The following NKAIN2 variants were observed in gnomAD, a reference collection of about 807,000 sequenced individuals.
NKAIN2 encodes sodium/potassium transporting ATPase interacting 2, also known as sodium/potassium-transporting ATPase subunit beta-1-interacting protein 2.
NKAIN2 carries 14 observed loss-of-function variants against 32.6 expected under a neutral mutation model. The ratio of observed to expected loss-of-function variants is 0.43; its 90% CI spans 0.28 to 0.67. NKAIN2 has a LOEUF of 0.67. Among genes scored for constraint, NKAIN2 ranks in the 30% least tolerant of loss-of-function variants. The pLI, the probability that NKAIN2 is intolerant of heterozygous loss-of-function variation, is 0.17. For missense variants in NKAIN2, 198 were observed against 258.3 expected, an observed-to-expected ratio of 0.77 and a Z score of 1.60; for synonymous variants, 80 against 87.2, an observed-to-expected ratio of 0.92 and a Z score of 0.46.
chr6:123,990,374 T>C (rs1779361645), intron 1 of NKAIN2, among the ~76,000 whole-genome samples: 1 of 152,226 alleles, frequency 6.6e-6, no homozygotes, highest in Admixed American at 6.5e-5. Context: ...ATTTTTAGTA[T>C]GCTACAACTT....
intron 3 of NKAIN2, among the ~76,000 whole-genome samples, chr6:124,548,133 CA>C (rs1360963781): frequency 7.9e-5 from 12 of 152,048 alleles, no homozygotes; most frequent in Non-Finnish European, 1.6e-4. Context: ...AATTCTTAAG[CA>C]AAACTCACCA....
At chr6:124,697,893 C>T (rs1232626521) in intron 4 of NKAIN2, among the ~76,000 whole-genome samples, 1 of 152,072 alleles carries the variant, frequency 6.6e-6, no homozygotes, top group South Asian at 2.1e-4. Flanking sequence ...ATCTTGGTGG[C>T]TGGTCTGTCT....
chr6:124,729,321 C>G (rs1368776195), intron 4 of NKAIN2, among the ~76,000 whole-genome samples: 1 of 150,192 alleles, frequency 6.7e-6, no homozygotes, highest in East Asian at 2.0e-4. Flanking sequence ...AAAATACTGG[C>G]AAACCGAATC....
At chr6:124,692,067 A>G (rs1774283246) in intron 4 of NKAIN2, among the ~76,000 whole-genome samples, 1 of 152,204 alleles carries the variant, frequency 6.6e-6, no homozygotes, top group Non-Finnish European at 1.5e-5. Flanking sequence ...TTCTATTAAA[A>G]GGGCCTAAAA....
At chr6:123,909,878 T>C (rs34873994) in intron 1 of NKAIN2, among the ~76,000 whole-genome samples, 47,665 of 151,768 alleles carry the variant, frequency 0.31, 8,161 homozygotes, top group East Asian at 0.5. Flanking sequence ...AATTAGCACG[T>C]AAGTGTGCAA....
chr6:123,848,393 G>A (rs1775180504), intron 1 of NKAIN2, among the ~76,000 whole-genome samples: 1 of 152,080 alleles, frequency 6.6e-6, no homozygotes, highest in Admixed American at 6.6e-5. Flanking sequence ...ATGTGTCGTG[G>A]GAGGGACCCG....
rs1777274976 is a variant in NKAIN2, at chr6:124,477,666, C to A, written c.273+122319C>A. On this transcript the variant is annotated intron_variant, in intron 3 of 6. Transcript: ENST00000368417. ...CTCCTCCCACTTCCTCTTATCCTTC[C>A]CCTTCTCCTTTCCCCTCCCCTCTCC... Among the ~76,000 whole-genome samples, 3 of 144,268 alleles carry A rather than the reference C, an allele frequency of 2.1e-5. 1 individual carries two copies. In the South Asian group the frequency reaches 7.1e-4, roughly 34 times the overall value. 94.6% of individuals were successfully genotyped at this position (144,268 alleles called of 152,430 possible). A position where few individuals can be genotyped will look rare whatever the true frequency, so the allele number is the denominator to read the frequency against.
At chr6:124,274,937 C>A (rs1794959858) in intron 1 of NKAIN2, among the ~76,000 whole-genome samples, 1 of 152,012 alleles carries the variant, frequency 6.6e-6, no homozygotes, top group Non-Finnish European at 1.5e-5. Context: ...TGTGGACACA[C>A]ACAACAAGGA....
intron 2 of NKAIN2, among the ~76,000 whole-genome samples, chr6:124,326,045 AT>A (rs1234397515): frequency 6.6e-6 from 1 of 151,678 alleles, no homozygotes; most frequent in Non-Finnish European, 1.5e-5. Flanking sequence ...GTGTATGTAT[AT>A]GATATTTTTT....
At chr6:124,022,400 G>A (rs1780908472) in intron 1 of NKAIN2, among the ~76,000 whole-genome samples, 1 of 152,054 alleles carries the variant, frequency 6.6e-6, no homozygotes. Flanking sequence ...AATCTTTTGG[G>A]TATATACCCA....
chr6:124,136,659 T>A (rs1216894942), intron 1 of NKAIN2, among the ~76,000 whole-genome samples: 1 of 152,086 alleles, frequency 6.6e-6, no homozygotes, highest in African/African-American at 2.4e-5. Flanking sequence ...TAATATGTCG[T>A]GATTAAGTGG....
At chr6:124,683,809 CAG>C in intron 4 of NKAIN2, among the ~76,000 whole-genome samples, 1 of 152,164 alleles carries the variant, frequency 6.6e-6, no homozygotes, top group East Asian at 1.9e-4. Context: ...CATCACTATG[CAG>C]AGAGATTTGG....
chr6:124,805,130 G>A (rs111424641), intron 5 of NKAIN2, among the ~76,000 whole-genome samples: 1 of 152,216 alleles, frequency 6.6e-6, no homozygotes, highest in East Asian at 1.9e-4. Context: ...CAGCTTTGAA[G>A]AGAGCAGTGG....
intron 5 of NKAIN2, among the ~76,000 whole-genome samples, chr6:124,801,570 T>A (rs1780257733): frequency 6.6e-6 from 1 of 152,232 alleles, no homozygotes; most frequent in Non-Finnish European, 1.5e-5. Flanking sequence ...GAGCAACTAC[T>A]GGGTGGTAGG....
At chr6:124,552,167 A>T (rs746256151) in intron 3 of NKAIN2, among the ~76,000 whole-genome samples, 1 of 152,218 alleles carries the variant, frequency 6.6e-6, no homozygotes, top group South Asian at 2.1e-4. Flanking sequence ...TCAATGACCT[A>T]CTATGATACT....
chr6:124,729,273 C>T (rs1182265029), intron 4 of NKAIN2, among the ~76,000 whole-genome samples: 1 of 149,822 alleles, frequency 6.7e-6, no homozygotes, highest in African/African-American at 2.4e-5. Context: ...AATTTTAGAC[C>T]AATATCCTTG....
At chr6:124,032,527 GTTTGTT>G (rs769304466) in intron 1 of NKAIN2, among the ~76,000 whole-genome samples, 23 of 152,074 alleles carry the variant, frequency 1.5e-4, no homozygotes, top group Non-Finnish European at 3.2e-4. Context: ...GAACCTTACA[GTTTGTT>G]TTTGTTGTCA....
intron 4 of NKAIN2, among the ~76,000 whole-genome samples, chr6:124,682,956 C>T (rs1015749194): frequency 1.8e-4 from 28 of 152,072 alleles, no homozygotes; most frequent in African/African-American, 6.3e-4. Flanking sequence ...GTCATGCTTC[C>T]GAAGTCGTGG....
chr6:123,818,769 C>T (rs1377863656), intron 1 of NKAIN2, among the ~76,000 whole-genome samples: 2 of 152,074 alleles, frequency 1.3e-5, no homozygotes, highest in African/African-American at 4.8e-5. Context: ...CAGGCATTTC[C>T]GGCTTCATTT....
Sources: allele counts gnomAD v4.1 joint callset (sites outside exome capture counted in the v4.1 genomes callset), GRCh38; gene constraint gnomAD v4.1.1; transcripts MANE v1.5; gene names NCBI Gene and HGNC (gene_info 2026-07-23, HGNC 2026-07-21).